The following TAF1A variants were observed in gnomAD, a reference collection of about 807,000 sequenced individuals.
The protein encoded by TAF1A is TATA box-binding protein-associated factor RNA polymerase I subunit A.
A neutral mutation model predicts 61.6 loss-of-function variants in TAF1A; 42 were observed. The ratio of observed to expected loss-of-function variants is 0.68; its 90% CI spans 0.53 to 0.88. The LOEUF is 0.88. TAF1A is among the 40% of genes least tolerant of loss of function. The pLI is 0.00. For synonymous variants in TAF1A, 179 were observed against 177.7 expected (o/e 1.01, Z -0.06); for missense variants, 424 against 518.7 (o/e 0.82, Z 1.77).
At chr1:222,556,923 C>T (rs1558137677), downstream of TAF1A, among the ~76,000 whole-genome samples, 1 of 152,178 alleles carries the variant, frequency 6.6e-6, no homozygotes, top group African/African-American at 2.4e-5. Context: ...TCCTACACAA[C>T]CGAATTATGG....
In TAF1A at chr1:222,577,430, C is replaced by A. The variant is rs776425234; in HGVS notation, c.604+15G>T. 1 of 1,610,796 alleles carries A rather than the reference C, an allele frequency of 6.2e-7. No individual in the cohort carries two copies. On this transcript the variant is annotated intron_variant, in intron 5 of 10. Transcript: ENST00000352967. ...CAGTCTCATCATAAGAAAAAGTTTA[C>A]CTGTATTCACTTACCAAGCTTTGAC... is the stretch of plus-strand genomic sequence containing the variant.
chr1:222,589,611 A>AC (rs1661168941), intron 1 of TAF1A, 116 bp downstream of exon 1: 1 of 154,902 alleles, frequency 6.5e-6, no homozygotes, highest in African/African-American at 2.4e-5. Flanking sequence ...TCGTTTTCAG[A>AC]CCCCAAGGGT....
At chr1:222,564,975 T>C (rs1424556464) in intron 7 of TAF1A, among the ~76,000 whole-genome samples, 6 of 152,198 alleles carry the variant, frequency 3.9e-5, no homozygotes, top group Non-Finnish European at 5.9e-5. Flanking sequence ...TATGGCTCAA[T>C]TCACTTAGAT....
chr1:222,581,028 G>A (rs1375417698), intron 3 of TAF1A, among the ~76,000 whole-genome samples: 4 of 151,982 alleles, frequency 2.6e-5, no homozygotes, highest in South Asian at 2.1e-4. Flanking sequence ...GGCGGGAGGC[G>A]GAGCTTGCAG....
At chr1:222,562,886 G>A (rs940076371) in intron 9 of TAF1A, among the ~76,000 whole-genome samples, 1 of 152,144 alleles carries the variant, frequency 6.6e-6, no homozygotes, top group African/African-American at 2.4e-5. Flanking sequence ...AGTGATCCCT[G>A]CTAGTCTTTA....
chr1:222,573,890 T>C lies in TAF1A; in HGVS notation c.605-3225A>G, dbSNP rs114361043. On this transcript the variant is annotated intron_variant, in intron 5 of 10. Coordinates refer to ENST00000352967, the MANE Select transcript of TAF1A (RefSeq NM_005681.4). ...GAATGGATACCTAAGATATAGTATA[T>C]ACAAACAATGGAATTCTATTCAGTA... Among the ~76,000 whole-genome samples the C allele has an allele frequency of 5.0e-3, 766 of 152,104 alleles. 9 individuals carry two copies. Among genetic ancestry groups the C allele is most frequent in the African/African-American group, 0.018 (728 of 41,480 alleles).
chr1:222,571,366 G>T (rs1660343422), intron 5 of TAF1A, among the ~76,000 whole-genome samples: 1 of 151,936 alleles, frequency 6.6e-6, no homozygotes. Flanking sequence ...TCATTATATT[G>T]GTGGTTCCAG....
intron 5 of TAF1A, among the ~76,000 whole-genome samples, chr1:222,571,624 T>C (rs888362702): frequency 2.6e-5 from 4 of 151,920 alleles, no homozygotes; most frequent in African/African-American, 9.7e-5. Context: ...AACAATGCCA[T>C]TTGCAAAAGC....
At position 222,558,729 on chromosome 1, in the gene TAF1A, G is replaced by C; in HGVS notation, c.1284C>G (p.Ile428Met). The C allele has an allele frequency of 6.4e-7, 1 of 1,560,540 alleles. No individual in the cohort carries two copies. Among genetic ancestry groups the C allele is most frequent in the Non-Finnish European group, 8.7e-7 (1 of 1,150,428 alleles). Reference protein sequence around the residue: ...FRYILKQDHQILGKKIKRMKR... With the variant: ...FRYILKQDHQMLGKKIKRMKR... ...TCATCCGCTTAATTTTCTTCCCTAA[G>C]ATTTGGTGATCTTGCTTTAAAATAT... is the stretch of plus-strand genomic sequence containing the variant. Residue 428 changes from isoleucine (I) to methionine (M), a missense_variant, in exon 11 of 11, where the codon ATC becomes ATG. By Grantham distance (10) the Ile-to-Met change is conservative. Coordinates refer to ENST00000352967, the MANE Select transcript of TAF1A (RefSeq NM_005681.4).
chr1:222,555,256 T>C (rs1659712803), downstream of TAF1A, among the ~76,000 whole-genome samples: 1 of 152,184 alleles, frequency 6.6e-6, no homozygotes, highest in African/African-American at 2.4e-5. Flanking sequence ...TATCTGGGTA[T>C]ATACCCAAAA....
Position 222,561,562 on chromosome 1 carries a change from A to C in TAF1A, c.1086-44T>G, listed in dbSNP as rs748397108. 35 of 1,527,764 alleles carry C rather than the reference A, an allele frequency of 2.3e-5. 1 individual carries two copies. In the Admixed American group the frequency reaches 6.6e-4, roughly 29 times the overall value. 94.6% of individuals were successfully genotyped at this position (1,527,764 alleles called of 1,614,324 possible). On this transcript the variant is annotated intron_variant, in intron 9 of 10. Transcript: ENST00000352967. ...AAAAGAGAGGGTCAATGATGGAAACAAATCTATATTATCAGAATTTAGACT... is the reference window on the plus strand; with the variant it reads ...AAAAGAGAGGGTCAATGATGGAAACCAATCTATATTATCAGAATTTAGACT...
chr1:222,560,804 C>G (rs1343728500), intron 10 of TAF1A, among the ~76,000 whole-genome samples: 1 of 152,058 alleles, frequency 6.6e-6, no homozygotes, highest in Non-Finnish European at 1.5e-5. Flanking sequence ...CGGTACTGGC[C>G]ACCTTTTAAT....
At chr1:222,554,534 G>T (rs1378029163), downstream of TAF1A, among the ~76,000 whole-genome samples, 1 of 144,428 alleles carries the variant, frequency 6.9e-6, no homozygotes, top group Non-Finnish European at 1.6e-5. Flanking sequence ...CAATCCAGCA[G>T]AAAAAGCCCT....
chr1:222,560,882 T>C (rs1371780039), intron 10 of TAF1A, among the ~76,000 whole-genome samples: 1 of 152,164 alleles, frequency 6.6e-6, no homozygotes, highest in Non-Finnish European at 1.5e-5. Flanking sequence ...GAAGAAAAAA[T>C]CAATATCCCT....
intron 7 of TAF1A, among the ~76,000 whole-genome samples, chr1:222,568,605 G>T (rs1410834838): frequency 3.3e-5 from 5 of 152,184 alleles, no homozygotes; most frequent in African/African-American, 1.2e-4. Flanking sequence ...CCAATACCAA[G>T]TGTTGGCACA....
chr1:222,587,198 T>C (rs578200321), intron 2 of TAF1A, among the ~76,000 whole-genome samples: 1 of 152,350 alleles, frequency 6.6e-6, no homozygotes, highest in South Asian at 2.1e-4. Context: ...AAAGGCACTA[T>C]TATTTTTCAA....
At position 222,577,565 on chromosome 1, in the gene TAF1A, T is replaced by C. The variant is rs1199077239; in HGVS notation, c.484A>G (p.Thr162Ala). ...DAKRNLSEAE[T>A]WRHGENTSSR... ...GACGTATTTTCACCATGTCTCCATG[T>C]CTCTGCCTCACTCAGATTTCTCTTA... is the stretch of plus-strand genomic sequence containing the variant. Residue 162 changes from threonine (T) to alanine (A), a missense_variant, in exon 5 of 11, where the codon ACA becomes GCA. Coordinates refer to ENST00000352967, the MANE Select transcript of TAF1A (RefSeq NM_005681.4). The C allele has an allele frequency of 1.2e-6, 2 of 1,614,014 alleles. No individual in the cohort carries two copies. The highest frequency in any genetic ancestry group is 1.7e-6 in the Non-Finnish European group (2 of 1,179,920).
At chr1:222,563,939 A>C in intron 8 of TAF1A, 120 bp downstream of exon 8, 1 of 661,668 alleles carries the variant, frequency 1.5e-6, no homozygotes, top group Non-Finnish European at 2.7e-6. Flanking sequence ...GATGGACTCC[A>C]ACAGAACTTG....
In TAF1A at chr1:222,579,882, C is replaced by A. The variant is rs1660718415; in HGVS notation, c.292-10G>T. ...CGAGCTTCCAAATAATCTGTCAAAG[C>A]AGAAATTACTGCCAAAATGTAAAAT... On this transcript the variant is annotated splice_polypyrimidine_tract_variant and intron_variant, in intron 3 of 10. Transcript: ENST00000352967. 6.3e-7 allele frequency: 1 copy of A among 1,588,194 alleles called. No homozygotes were observed. Among genetic ancestry groups the A allele is most frequent in the Non-Finnish European group, 8.5e-7 (1 of 1,172,536 alleles).
Sources: allele counts gnomAD v4.1 joint callset (sites outside exome capture counted in the v4.1 genomes callset), GRCh38; gene constraint gnomAD v4.1.1; transcripts MANE v1.5; gene names NCBI Gene and HGNC (gene_info 2026-07-23, HGNC 2026-07-21).